The following CCSER1 variants were observed in gnomAD, a reference collection of about 807,000 sequenced individuals.
The protein encoded by CCSER1 is serine-rich coiled-coil domain-containing protein 1.
Under a neutral mutation model 82.0 loss-of-function variants are expected in CCSER1, and 41 were observed. That is an observed-to-expected ratio of 0.50 (90% CI 0.39 to 0.65). The LOEUF (loss-of-function observed/expected upper bound fraction) is 0.65. Ranked by LOEUF, CCSER1 falls within the 30% of genes least tolerant of loss-of-function variation. The pLI, the probability that CCSER1 is intolerant of heterozygous loss-of-function variation, is 0.00. For missense variants in CCSER1, 1,119 were observed against 1,064.2 expected, an observed-to-expected ratio of 1.05 and a Z score of -0.72; for synonymous variants, 414 against 383.9, an observed-to-expected ratio of 1.08 and a Z score of -0.92.
intron 9 of CCSER1, among the ~76,000 whole-genome samples, chr4:90,933,494 T>G (rs572601892): frequency 1.3e-5 from 2 of 148,980 alleles, no homozygotes; most frequent in Non-Finnish European, 3.0e-5. Flanking sequence ...GATGAAGTGT[T>G]TTTTTTTTTT....
At position 91,516,671 on chromosome 4, in the gene CCSER1, G is replaced by C. The variant is rs138712906; in HGVS notation, c.2218-81901G>C. Reference sequence around the variant, plus strand: ...CTTCCAGCTTTGTTCTTTTTGCTTAGGACGTCTTGTTTCTTCGGGTTCTTT... The same window carrying C: ...CTTCCAGCTTTGTTCTTTTTGCTTACGACGTCTTGTTTCTTCGGGTTCTTT... On this transcript the variant is annotated intron_variant, in intron 10 of 10. Transcript: ENST00000509176. Among the ~76,000 whole-genome samples, 447 of 152,142 alleles carry C rather than the reference G, an allele frequency of 2.9e-3. 5 individuals carry two copies. Among genetic ancestry groups the C allele is most frequent in the African/African-American group, 9.8e-3 (407 of 41,530 alleles).
At chr4:91,588,532 C>T (rs534452012) in intron 10 of CCSER1, among the ~76,000 whole-genome samples, 1 of 151,632 alleles carries the variant, frequency 6.6e-6, no homozygotes, top group Admixed American at 6.6e-5. Context: ...CTTATTTATA[C>T]TATGTGAAAG....
chr4:91,120,712 G>C (rs940574316), intron 10 of CCSER1, among the ~76,000 whole-genome samples: 1 of 151,904 alleles, frequency 6.6e-6, no homozygotes, highest in Admixed American at 6.6e-5. Context: ...ATCCAGGAGG[G>C]AAAATTATCT....
At position 90,308,579 on chromosome 4, in the gene CCSER1, A is replaced by C. The variant is rs750760758; in HGVS notation, c.295A>C (p.Asn99His). 1.2e-6 allele frequency: 2 copies of C among 1,613,840 alleles called. No homozygotes were observed. Among genetic ancestry groups the C allele is most frequent in the East Asian group, 2.2e-5 (1 of 44,892 alleles). The change falls in exon 2 of 11, where the codon AAT becomes CAT. Residue 99 changes from asparagine to histidine, a missense_variant. Transcript: ENST00000509176. ...ISNGAQPGHS[N>H]MQKLSLEEHI... ...AAATGGTGCTCAACCTGGTCACAGC[A>C]ATATGCAGAAACTGAGTTTGGAAGA...
At chr4:91,184,396 A>T (rs991808647) in intron 10 of CCSER1, among the ~76,000 whole-genome samples, 1 of 152,228 alleles carries the variant, frequency 6.6e-6, no homozygotes, top group Non-Finnish European at 1.5e-5. Context: ...ATCTATGACT[A>T]TTAAAGGCCA....
At chr4:91,451,940 G>T (rs1223966484) in intron 10 of CCSER1, among the ~76,000 whole-genome samples, 1 of 151,894 alleles carries the variant, frequency 6.6e-6, no homozygotes, top group Non-Finnish European at 1.5e-5. Flanking sequence ...GATCCAAAAA[G>T]GTACTCTGGA....
chr4:91,554,926 C>T (rs1762333458), intron 10 of CCSER1, among the ~76,000 whole-genome samples: 1 of 151,064 alleles, frequency 6.6e-6, no homozygotes, highest in Non-Finnish European at 1.5e-5. Context: ...CAAGAACATA[C>T]AATAGGGAAA....
chr4:90,533,204 G>T (rs1440011114), intron 5 of CCSER1, among the ~76,000 whole-genome samples: 2 of 146,220 alleles, frequency 1.4e-5, no homozygotes, highest in African/African-American at 5.1e-5. Context: ...CCATTCTCCT[G>T]CCTCACCCTC....
At chr4:90,792,182 C>T (rs565085098) in intron 7 of CCSER1, among the ~76,000 whole-genome samples, 2 of 152,238 alleles carry the variant, frequency 1.3e-5, no homozygotes, top group South Asian at 4.1e-4. Flanking sequence ...GTTGACATCT[C>T]TGCTTTTTTT....
chr4:91,410,707 T>C (rs746844692), intron 10 of CCSER1, among the ~76,000 whole-genome samples: 2 of 152,146 alleles, frequency 1.3e-5, no homozygotes, highest in Non-Finnish European at 2.9e-5. Context: ...GAATGTATAA[T>C]TTTATGTTAC....
At chr4:90,299,407 G>A (rs1732661251) in intron 1 of CCSER1, among the ~76,000 whole-genome samples, 1 of 152,090 alleles carries the variant, frequency 6.6e-6, no homozygotes, top group Admixed American at 6.6e-5. Context: ...ACAACTTAGT[G>A]TACTCAATAT....
At chr4:90,827,915 G>A (rs1042293507) in intron 8 of CCSER1, among the ~76,000 whole-genome samples, 3 of 152,096 alleles carry the variant, frequency 2.0e-5, no homozygotes, top group Admixed American at 6.6e-5. Flanking sequence ...CCTGGTTATA[G>A]AGCCGAGGGG....
chr4:91,112,648 C>G (rs1726192110), intron 10 of CCSER1: 3 of 152,128 alleles, frequency 2.0e-5, no homozygotes, highest in Admixed American at 2.0e-4. Flanking sequence ...GCAGTCTCTA[C>G]TTCAATCTCA....
intron 10 of CCSER1, among the ~76,000 whole-genome samples, chr4:91,390,109 T>C (rs932690166): frequency 6.6e-6 from 1 of 152,032 alleles, no homozygotes; most frequent in Non-Finnish European, 1.5e-5. Flanking sequence ...GTTTCTGATC[T>C]TACTGAGAAA....
chr4:91,429,647 T>C (rs187174236), intron 10 of CCSER1, among the ~76,000 whole-genome samples: 262 of 152,018 alleles, frequency 1.7e-3, no homozygotes, highest in Middle Eastern at 6.9e-3. Context: ...TGATTTTTGT[T>C]AATAAGGCCA....
At chr4:91,173,849 A>G (rs536112950) in intron 10 of CCSER1, among the ~76,000 whole-genome samples, 1 of 152,206 alleles carries the variant, frequency 6.6e-6, no homozygotes, top group Admixed American at 6.5e-5. Context: ...GACCTATGTT[A>G]TATTCACTAT....
At chr4:91,094,121 C>A (rs557878434) in intron 10 of CCSER1, among the ~76,000 whole-genome samples, 1 of 152,280 alleles carries the variant, frequency 6.6e-6, no homozygotes, top group South Asian at 2.1e-4. Context: ...TTTGGCATAC[C>A]CATCTGCCGT....
intron 5 of CCSER1, among the ~76,000 whole-genome samples, chr4:90,591,436 G>A (rs892503844): frequency 4.6e-5 from 7 of 152,100 alleles, no homozygotes; most frequent in Non-Finnish European, 8.8e-5. Context: ...ATGAAAAAAA[G>A]CTCACCATCA....
intron 10 of CCSER1, among the ~76,000 whole-genome samples, chr4:91,596,610 GAAGA>G (rs994225006): frequency 2.0e-5 from 3 of 151,964 alleles, no homozygotes; most frequent in African/African-American, 7.2e-5. Flanking sequence ...GAGCCAAGAA[GAAGA>G]AAGTGAGCTA....
Sources: gnomAD v4.1 joint callset for allele counts (sites outside exome capture counted in the v4.1 genomes callset) on GRCh38, gnomAD v4.1.1 for gene constraint, MANE v1.5 for transcripts, NCBI Gene and HGNC (gene_info 2026-07-23, HGNC 2026-07-21) for gene names.